Variants in MYO5B observed in about 807,000 individuals in gnomAD.
The protein encoded by MYO5B is myosin VB, also known as unconventional myosin-Vb.
In MYO5B, 143 loss-of-function variants were observed where a neutral mutation model predicts 229.3. That is an observed-to-expected ratio of 0.62 (90% CI 0.54 to 0.72). The LOEUF is 0.72. Among genes scored for constraint, MYO5B ranks in the 30% least tolerant of loss-of-function variants. The pLI, the probability that MYO5B is intolerant of heterozygous loss-of-function variation, is 0.00. For synonymous variants in MYO5B, 918 were observed against 885.2 expected (o/e 1.04, Z -0.66); for missense variants, 2,321 against 2,331.0 (o/e 1.00, Z 0.09).
At chr18:50,007,841 T>C (rs2026119374) in intron 4 of MYO5B, among the ~76,000 whole-genome samples, 1 of 152,262 alleles carries the variant, frequency 6.6e-6, no homozygotes, top group African/African-American at 2.4e-5. Context: ...ACTCTTAGTA[T>C]ATAGACTTTG....
chr18:49,947,101 CTTTTTTTTTT>C (rs74176748), intron 14 of MYO5B, among the ~76,000 whole-genome samples: 3 of 108,290 alleles, frequency 2.8e-5, no homozygotes, highest in South Asian at 3.3e-4. Context: ...TCACCAAGCT[CTTTTTTTTTT>C]TTTTTTTTTT....
chr18:50,143,387 G>A (rs571799820), intron 1 of MYO5B, among the ~76,000 whole-genome samples: 1 of 152,260 alleles, frequency 6.6e-6, no homozygotes, highest in South Asian at 2.1e-4. Context: ...GGACCCAGGA[G>A]GCCCCCCTCA....
intron 1 of MYO5B, among the ~76,000 whole-genome samples, chr18:50,159,557 A>G (rs1362311603): frequency 6.6e-6 from 1 of 152,140 alleles, no homozygotes; most frequent in Non-Finnish European, 1.5e-5. Flanking sequence ...CCCCCAGGCC[A>G]CCGTGCTTCT....
At chr18:49,900,006 T>A (rs2024823093) in intron 21 of MYO5B, among the ~76,000 whole-genome samples, 1 of 152,224 alleles carries the variant, frequency 6.6e-6, no homozygotes. Context: ...CTAGATTTAT[T>A]TTTATCCTCT....
intron 9 of MYO5B, among the ~76,000 whole-genome samples, 183 bp from the exon 10 acceptor site, chr18:49,974,798 G>GACACACAGACACACACACACACAC: frequency 7.6e-6 from 1 of 130,996 alleles, no homozygotes; most frequent in South Asian, 2.8e-4. Context: ...CACACACACA[G>GACACACAGACACACACACACACAC]ACACACACAC....
At chr18:50,097,521 T>C (rs950499545) in intron 1 of MYO5B, 13 of 308,090 alleles carry the variant, frequency 4.2e-5, no homozygotes, top group Non-Finnish European at 8.3e-5. Context: ...TAAATCATTG[T>C]CCTAAGGTGA....
At position 49,953,458 on chromosome 18, in the gene MYO5B, C is replaced by T. The variant is rs2025451439; in HGVS notation, c.1669-115G>A. 3.9e-5 allele frequency: 33 copies of T among 854,244 alleles called. No homozygotes were observed. In the East Asian group the frequency reaches 8.3e-4, roughly 21 times the overall value. 52.9% of individuals were successfully genotyped at this position (854,244 alleles called of 1,614,324 possible). On this transcript the variant is annotated intron_variant, in intron 13 of 39. Transcript: ENST00000285039. ...AAAAGAGCTGTGAGTAGATAGGAAACCCACAGATGTTTCCACTTAAAATGC... is the reference window on the plus strand; with the variant it reads ...AAAAGAGCTGTGAGTAGATAGGAAATCCACAGATGTTTCCACTTAAAATGC...
intron 1 of MYO5B, among the ~76,000 whole-genome samples, chr18:50,138,832 G>C (rs1207665631): frequency 6.6e-6 from 1 of 152,144 alleles, no homozygotes; most frequent in Non-Finnish European, 1.5e-5. Flanking sequence ...TTAAGTACCA[G>C]AGCCCAGCCA....
At chr18:50,081,941 T>C (rs2031230236) in intron 1 of MYO5B, among the ~76,000 whole-genome samples, 1 of 152,208 alleles carries the variant, frequency 6.6e-6, no homozygotes, top group South Asian at 2.1e-4. Flanking sequence ...AACCTGAAAT[T>C]TTACCAAGAA....
intron 14 of MYO5B, among the ~76,000 whole-genome samples, chr18:49,940,470 T>C (rs907988417): frequency 6.6e-6 from 1 of 152,164 alleles, no homozygotes; most frequent in Non-Finnish European, 1.5e-5. Context: ...TCCAGGGTGA[T>C]ATGATGGGGG....
chr18:49,918,956 C>T (rs778712467), intron 17 of MYO5B, among the ~76,000 whole-genome samples: 1 of 152,204 alleles, frequency 6.6e-6, no homozygotes, highest in Non-Finnish European at 1.5e-5. Context: ...CAGGAACAGG[C>T]ATCCTTAACC....
intron 1 of MYO5B, chr18:50,097,279 C>T (rs1163990883): frequency 2.2e-6 from 1 of 456,508 alleles, no homozygotes; most frequent in African/African-American, 2.0e-5. Context: ...CTGGCTTGTG[C>T]TAGTGTGGCT....
At chr18:49,872,130 G>A (rs750684394) in intron 27 of MYO5B, 37 bp downstream of exon 27, 2 of 1,599,338 alleles carry the variant, frequency 1.3e-6, no homozygotes, top group Non-Finnish European at 1.7e-6. Flanking sequence ...CTCTGCCAGG[G>A]GAGTGTTCCA....
At chr18:49,848,126 A>C (rs1469613593) in intron 32 of MYO5B, among the ~76,000 whole-genome samples, 1 of 152,200 alleles carries the variant, frequency 6.6e-6, no homozygotes, top group East Asian at 1.9e-4. Context: ...GAACAGATAC[A>C]ATGGCATGCT....
chr18:49,878,872 T>G, intron 24 of MYO5B, 73 bp downstream of exon 24: 4 of 1,551,516 alleles, frequency 2.6e-6, no homozygotes, highest in African/African-American at 1.4e-5. Context: ...AAGCAGTGCC[T>G]GAGATCACGT....
At chr18:50,015,597 A>T (rs1290335137) in intron 4 of MYO5B, among the ~76,000 whole-genome samples, 1 of 152,212 alleles carries the variant, frequency 6.6e-6, no homozygotes. Flanking sequence ...TAAGTTAAAT[A>T]TTCTGTTGGC....
At position 50,076,364 on chromosome 18, in the gene MYO5B, G is replaced by T. The variant is rs75445338; in HGVS notation, c.28-20986C>A. ...ATGCCCAAACACCCTGAGAGTAAGG[G>T]GCACCAGCCACCAAAGACACATGAC... On this transcript the variant is annotated intron_variant, in intron 1 of 39. Coordinates refer to ENST00000285039, the MANE Select transcript of MYO5B (RefSeq NM_001080467.3). Among the ~76,000 whole-genome samples, 368 of 152,248 alleles carry T rather than the reference G, an allele frequency of 2.4e-3. 4 individuals carry two copies. The East Asian group carries it at 0.034, about 14-fold the overall frequency.
chr18:50,073,897 C>T (rs2031017552), intron 1 of MYO5B, among the ~76,000 whole-genome samples: 1 of 152,184 alleles, frequency 6.6e-6, no homozygotes, highest in African/African-American at 2.4e-5. Flanking sequence ...CCCATTCACT[C>T]TACTACCAAC....
chr18:50,159,486 G>T (rs2032731303), intron 1 of MYO5B, among the ~76,000 whole-genome samples: 1 of 152,084 alleles, frequency 6.6e-6, no homozygotes, highest in African/African-American at 2.4e-5. Flanking sequence ...AGACGTTAGT[G>T]ACATTCAGTC....
Sources: allele counts gnomAD v4.1 joint callset (sites outside exome capture counted in the v4.1 genomes callset), GRCh38; gene constraint gnomAD v4.1.1; transcripts MANE v1.5; gene names NCBI Gene and HGNC (gene_info 2026-07-23, HGNC 2026-07-21).